Variants in ZNF644 observed in about 807,000 individuals in gnomAD.
The protein encoded by ZNF644 is zinc finger protein 644.
In ZNF644, 20 loss-of-function variants were observed where a neutral mutation model predicts 108.0. The observed-to-expected ratio is 0.19, with a 90% CI of 0.13 to 0.27. The LOEUF (loss-of-function observed/expected upper bound fraction) is 0.27, where lower values mean the gene tolerates loss of function less well. Among genes scored for constraint, ZNF644 ranks in the 10% least tolerant of loss-of-function variants. ZNF644 has a pLI of 1.00. For missense variants in ZNF644, 1,338 were observed against 1,548.9 expected (o/e 0.86, Z 2.29); for synonymous variants, 542 against 539.1 (o/e 1.01, Z -0.08).
At chr1:90,960,421 C>T (rs1654217843) in intron 2 of ZNF644, among the ~76,000 whole-genome samples, 1 of 152,104 alleles carries the variant, frequency 6.6e-6, no homozygotes, top group South Asian at 2.1e-4. Context: ...ACGTGTCTGA[C>T]TGACAGCAAT....
At chr1:90,982,265 T>C (rs369375215) in intron 2 of ZNF644, 45 bp downstream of exon 2, 29 of 1,496,404 alleles carry the variant, frequency 1.9e-5, no homozygotes, top group Non-Finnish European at 2.4e-5. Flanking sequence ...TTTTGTATTA[T>C]TCCTACCTTG....
intron 1 of ZNF644, among the ~76,000 whole-genome samples, chr1:91,009,070 C>T (rs994577553): frequency 6.6e-5 from 10 of 152,048 alleles, no homozygotes; most frequent in Admixed American, 5.2e-4. Context: ...CCCATCTCTA[C>T]AAAATAATAA....
intron 1 of ZNF644, among the ~76,000 whole-genome samples, chr1:90,996,698 T>A (rs913258345): frequency 9.2e-5 from 14 of 152,188 alleles, no homozygotes; most frequent in Admixed American, 1.3e-4. Context: ...AAAGGATCAG[T>A]TGAGCCCAAG....
intron 1 of ZNF644, among the ~76,000 whole-genome samples, chr1:91,014,119 T>C (rs907107352): frequency 6.6e-5 from 10 of 152,260 alleles, no homozygotes; most frequent in Admixed American, 5.2e-4. Flanking sequence ...TTGAAATACA[T>C]ATAAATTATG....
intron 1 of ZNF644, among the ~76,000 whole-genome samples, chr1:91,011,439 C>T (rs763838097): frequency 3.3e-5 from 5 of 152,094 alleles, no homozygotes; most frequent in South Asian, 4.1e-4. Context: ...TTATTATATA[C>T]GTTTAACAAC....
intron 2 of ZNF644, among the ~76,000 whole-genome samples, chr1:90,964,955 A>T (rs1350387542): frequency 6.6e-6 from 1 of 152,146 alleles, no homozygotes; most frequent in Non-Finnish European, 1.5e-5. Context: ...TAGAAGACAT[A>T]AGTTGCTTTA....
chr1:90,918,404 T>C (rs1002717379), intron 4 of ZNF644: 7 of 443,672 alleles, frequency 1.6e-5, no homozygotes, highest in Non-Finnish European at 2.5e-5. Context: ...CCTTTTCAAA[T>C]AATGCTTTAC....
In ZNF644 at chr1:90,940,212, G is replaced by C; in HGVS notation, c.1142C>G (p.Thr381Ser). The C allele has an allele frequency of 6.2e-7, 1 of 1,614,026 alleles. No homozygotes were observed. The highest frequency in any genetic ancestry group is 8.5e-7 in the Non-Finnish European group (1 of 1,179,946). ...GEESSPVHTSTFLSNTLKKKC... is the reference protein window; with the variant it reads ...GEESSPVHTSSFLSNTLKKKC... ...CTTTTTTAAGGTATTTGAAAGAAAAGTGCTAGTATGAACAGGTGAACTCTC... is the reference window on the plus strand; with the variant it reads ...CTTTTTTAAGGTATTTGAAAGAAAACTGCTAGTATGAACAGGTGAACTCTC... Residue 381 changes from threonine (T) to serine (S), a missense_variant, in exon 3 of 6, where the codon ACT becomes AGT. By Grantham distance (58) the Thr-to-Ser change is moderately conservative. This residue lies in a region of ZNF644 where 464 missense variants were observed against 457.9 expected (regional missense o/e 1.01). Coordinates refer to ENST00000337393, the MANE Select transcript of ZNF644 (RefSeq NM_201269.3).
intron 1 of ZNF644, among the ~76,000 whole-genome samples, chr1:90,999,821 C>G (rs1658576492): frequency 6.6e-6 from 1 of 151,740 alleles, no homozygotes; most frequent in Non-Finnish European, 1.5e-5. Flanking sequence ...CAAATAGGCT[C>G]AAAATAAAGG....
intron 4 of ZNF644, among the ~76,000 whole-genome samples, chr1:90,928,367 GAATGCAATGGC>G (rs1462917923): frequency 1.4e-5 from 2 of 145,546 alleles, no homozygotes; most frequent in Non-Finnish European, 3.0e-5. Context: ...GCCCAGGCTG[GAATGCAATGGC>G]ACAATCTCGG....
At chr1:90,964,770 T>G (rs555903889) in intron 2 of ZNF644, among the ~76,000 whole-genome samples, 1 of 152,338 alleles carries the variant, frequency 6.6e-6, no homozygotes, top group East Asian at 1.9e-4. Flanking sequence ...AGTATATTAG[T>G]ATGAAACTTT....
intron 2 of ZNF644, among the ~76,000 whole-genome samples, chr1:90,968,232 A>G (rs1655127363): frequency 6.6e-6 from 1 of 152,132 alleles, no homozygotes; most frequent in Non-Finnish European, 1.5e-5. Flanking sequence ...TTGCAGGAAA[A>G]TTTTTAAAAT....
At chr1:90,921,797 T>C (rs1649470935) in intron 4 of ZNF644, among the ~76,000 whole-genome samples, 1 of 149,718 alleles carries the variant, frequency 6.7e-6, no homozygotes, top group Admixed American at 6.7e-5. Flanking sequence ...CAAATACAAA[T>C]ATGAAAGAGA....
At position 90,941,320 on chromosome 1, in the gene ZNF644, G is replaced by GAAAAAAA. The variant is rs572906668; in HGVS notation, c.45-18_45-12dup. The stretch of plus-strand genomic sequence containing the variant: ...TTTAACACATTTAGTCTAGAAAATG[G>GAAAAAAA]AAAAAAAAAATTTAGATTTGCATGA... On this transcript the variant is annotated splice_polypyrimidine_tract_variant and intron_variant, in intron 2 of 5. Coordinates refer to ENST00000337393, the MANE Select transcript of ZNF644 (RefSeq NM_201269.3). 1 of 1,550,984 alleles carries GAAAAAAA rather than the reference G, an allele frequency of 6.4e-7. No individual in the cohort carries two copies.
intron 1 of ZNF644, among the ~76,000 whole-genome samples, chr1:91,002,492 C>T (rs578000306): frequency 1.3e-5 from 2 of 152,204 alleles, no homozygotes; most frequent in African/African-American, 2.4e-5. Flanking sequence ...AAAGCTCAAA[C>T]TGGATCCCTT....
At chr1:91,003,910 G>A (rs1285305198) in intron 1 of ZNF644, among the ~76,000 whole-genome samples, 7 of 151,788 alleles carry the variant, frequency 4.6e-5, no homozygotes, top group Non-Finnish European at 1.0e-4. Context: ...AAAATTATGA[G>A]AAAAAAACAA....
intron 1 of ZNF644, among the ~76,000 whole-genome samples, chr1:91,003,858 T>TA (rs1659140467): frequency 1.3e-5 from 2 of 151,736 alleles, no homozygotes; most frequent in Admixed American, 1.3e-4. Flanking sequence ...AACCCATGTC[T>TA]AAAAAACTAA....
intron 1 of ZNF644, among the ~76,000 whole-genome samples, chr1:90,989,461 T>C (rs1007147449): frequency 1.3e-5 from 2 of 152,196 alleles, no homozygotes; most frequent in African/African-American, 4.8e-5. Context: ...GAGGATCACT[T>C]GAACCTGGAA....
intron 1 of ZNF644, among the ~76,000 whole-genome samples, chr1:90,982,839 T>C (rs71668049): frequency 6.6e-6 from 1 of 152,034 alleles, no homozygotes; most frequent in African/African-American, 2.4e-5. Context: ...AAGTAATTTG[T>C]TAGAGCAACC....
Sources: allele counts gnomAD v4.1 joint callset (sites outside exome capture counted in the v4.1 genomes callset), GRCh38; gene constraint gnomAD v4.1.1; regional missense constraint gnomAD v4.1.1; transcripts MANE v1.5; gene names NCBI Gene and HGNC (gene_info 2026-07-23, HGNC 2026-07-21).